The following ESS2 variants were observed in gnomAD, a reference collection of about 807,000 sequenced individuals.
ESS2 encodes ess-2 spliceosome associated protein, also known as splicing factor ESS-2 homolog.
Under a neutral mutation model 52.0 loss-of-function variants are expected in ESS2, and 31 were observed. The ratio of observed to expected loss-of-function variants is 0.60; its 90% confidence interval spans 0.45 to 0.81. ESS2 has a LOEUF of 0.81. Among genes scored for constraint, ESS2 ranks in the 30% least tolerant of loss-of-function variants. The pLI is 0.00. For missense variants in ESS2, 602 were observed against 637.2 expected (o/e 0.94, Z 0.59); for synonymous variants, 285 against 259.2 (o/e 1.10, Z -0.95).
rs566826089 is a variant in ESS2 at position 19,139,227 on chromosome 22, G to C, written c.754C>G (p.Leu252Val). 3 of 1,609,050 alleles carry C rather than the reference G, an allele frequency of 1.9e-6. No individual in the cohort carries two copies. The Admixed American group carries it at 5.0e-5, about 27-fold the overall frequency. ...RQVVHKNTRF[L>V]RDPFSQALSR... ...AGGGCTTGGCTGAAGGGGTCCCTAA[G>C]GAAGCGCGTGTTCTTATGTACCACC... Residue 252 changes from leucine (L) to valine (V), a missense_variant, in exon 6 of 10, where the codon CTT becomes GTT. Physicochemically the swap from Leu to Val is conservative, Grantham distance 32. Coordinates refer to ENST00000252137, the MANE Select transcript of ESS2 (RefSeq NM_022719.3).
At position 19,131,428 on chromosome 22, in the gene ESS2, A is replaced by G; in HGVS notation, c.*2768T>C. 1 of 1,612,126 alleles carries G rather than the reference A, an allele frequency of 6.2e-7. No individual in the cohort carries two copies. The highest frequency in any genetic ancestry group is 8.5e-7 in the Non-Finnish European group (1 of 1,178,768). On this transcript the variant is annotated 3_prime_UTR_variant, in exon 10 of 10. Coordinates refer to ENST00000252137, the MANE Select transcript of ESS2 (RefSeq NM_022719.3). The surrounding 1 kb of genome is among the most constrained non-coding windows in gnomAD (Gnocchi z 5.7). ...GACGATGCCACAGTCCTAAGGAAGA[A>G]GGGTTACATCGTAGGCATCAATCTT...
rs146554670 is a variant in ESS2 at position 19,144,055 on chromosome 22, A to T, written c.135+451T>A. The T allele has an allele frequency of 1.9e-3, 1,893 of 998,184 alleles. 1 individual carries two copies. Among genetic ancestry groups the T allele is most frequent in the Non-Finnish European group, 2.1e-3 (1,766 of 837,048 alleles). 61.8% of individuals were successfully genotyped at this position (998,184 alleles called of 1,614,324 possible). On this transcript the variant is annotated intron_variant, in intron 1 of 9. Transcript: ENST00000252137. Reference sequence around the variant, plus strand: ...ATTAAACAGGTCTAAAACCAAACTGACTTCCGCCAATCCCCGTTTCAGCTC... The same window carrying T: ...ATTAAACAGGTCTAAAACCAAACTGTCTTCCGCCAATCCCCGTTTCAGCTC...
chr22:19,132,505 G>A lies in ESS2; in HGVS notation c.*1691C>T. ...GACAATGGCCCCGTTGTGTGTGGTG[G>A]GGGTCGGGGTTGGGGGGCATGGTGC... On this transcript the variant is annotated 3_prime_UTR_variant, in exon 10 of 10. Coordinates refer to ENST00000252137, the MANE Select transcript of ESS2 (RefSeq NM_022719.3). This position sits in a 1 kb window ranked among gnomAD's most constrained non-coding sequence, Gnocchi z 4.2. 1 of 1,574,452 alleles carries A rather than the reference G, an allele frequency of 6.4e-7. No homozygotes were observed. Among genetic ancestry groups the A allele is most frequent in the South Asian group, 1.2e-5 (1 of 85,434 alleles).
intron 8 of ESS2, among the ~76,000 whole-genome samples, chr22:19,136,097 T>C (rs1433279500): frequency 6.7e-6 from 1 of 149,610 alleles, no homozygotes; most frequent in East Asian, 2.0e-4. Context: ...CCCAGCACTT[T>C]GGGAGGCTGA....
At chr22:19,138,174 TC>T in intron 7 of ESS2, 40 bp downstream of exon 7, 5 of 1,610,168 alleles carry the variant, frequency 3.1e-6, no homozygotes, top group Non-Finnish European at 3.4e-6. Context: ...CCCCAGGGAG[TC>T]CCAGCAGTAG....
intron 6 of ESS2, 177 bp from the exon 7 acceptor site, chr22:19,138,494 C>T: frequency 1.4e-6 from 1 of 729,284 alleles, no homozygotes; most frequent in Non-Finnish European, 2.5e-6. Context: ...CCCAACCCCC[C>T]AAAAGACCTT....
At position 19,142,748 on chromosome 22, in the gene ESS2, C is replaced by T; in HGVS notation, c.282G>A (p.Met94Ile). The T allele has an allele frequency of 1.2e-6, 2 of 1,614,008 alleles. No individual in the cohort carries two copies. The highest frequency in any genetic ancestry group is 1.7e-6 in the Non-Finnish European group (2 of 1,179,932). ...AIKFGSALGK[M>I]SREPPPPYVT... The stretch of plus-strand genomic sequence containing the variant: ...TACAGGGTGGCGGGGGCTCCCGGGA[C>T]ATCTTGCCCAAGGCAGAGCCAAACT... The change falls in exon 2 of 10, where the codon ATG becomes ATA. Residue 94 changes from methionine (M) to isoleucine (I), a missense_variant. By Grantham distance (10) the Met-to-Ile change is conservative. Transcript: ENST00000252137.
chr22:19,135,001 C>T (rs1268786576), intron 9 of ESS2, 59 bp downstream of exon 9: 21 of 1,533,236 alleles, frequency 1.4e-5, no homozygotes, highest in Middle Eastern at 2.1e-4. Context: ...GGGCAGGGGC[C>T]GAACAGGAGC....
At position 19,142,914 on chromosome 22, in the gene ESS2, T is replaced by A; in HGVS notation, c.136-20A>T. 7 of 1,605,888 alleles carry A rather than the reference T, an allele frequency of 4.4e-6. No individual in the cohort carries two copies. Among genetic ancestry groups the A allele is most frequent in the Non-Finnish European group, 5.1e-6 (6 of 1,176,106 alleles). The stretch of plus-strand genomic sequence containing the variant: ...GAGGCCCTGCAAGGAGAGATCAGAA[T>A]GAAAGTCAGAGGCCAGGCGCGGTGG... On this transcript the variant is annotated intron_variant, in intron 1 of 9. Coordinates refer to ENST00000252137, the MANE Select transcript of ESS2 (RefSeq NM_022719.3).
intron 3 of ESS2, among the ~76,000 whole-genome samples, chr22:19,140,661 T>C (rs1383441685): frequency 6.6e-6 from 1 of 152,176 alleles, no homozygotes; most frequent in East Asian, 1.9e-4. Flanking sequence ...GCCCTGGTGC[T>C]GCGTGTGGTG....
At chr22:19,139,829 T>G in intron 4 of ESS2, 26 bp downstream of exon 4, 2 of 1,613,920 alleles carry the variant, frequency 1.2e-6, no homozygotes, top group Non-Finnish European at 1.7e-6. Flanking sequence ...CCTACGCCTA[T>G]GTGACACCCC....
chr22:19,139,052 C>G, intron 6 of ESS2, 107 bp downstream of exon 6: 1 of 1,422,104 alleles, frequency 7.0e-7, no homozygotes, highest in Non-Finnish European at 9.3e-7. Context: ...CCAGATGGTT[C>G]CACTCACTGA....
intron 3 of ESS2, among the ~76,000 whole-genome samples, 191 bp from the exon 4 acceptor site, chr22:19,140,215 C>G (rs988210569): frequency 6.6e-6 from 1 of 152,186 alleles, no homozygotes; most frequent in Non-Finnish European, 1.5e-5. Flanking sequence ...CCCTGACTGC[C>G]CAGAGAGCCC....
At chr22:19,141,787 A>G (rs1403603930) in intron 3 of ESS2, among the ~76,000 whole-genome samples, 5 of 152,186 alleles carry the variant, frequency 3.3e-5, no homozygotes, top group African/African-American at 1.2e-4. Context: ...CAGGAGTTCA[A>G]GACTAGCCGG....
intron 8 of ESS2, 65 bp downstream of exon 8, chr22:19,137,258 A>C: frequency 8.3e-7 from 1 of 1,201,434 alleles, no homozygotes; most frequent in Non-Finnish European, 1.2e-6. Flanking sequence ...CCTGAGCCAC[A>C]GGCACTCAGG....
rs980339348 is a variant in ESS2, at chr22:19,144,388, C to T, written c.135+118G>A. ...TACTTGACTCGTGGGACCGTCCACACCCGGCTCCTCCACTTCCACGAGGAG... is the reference window on the plus strand; with the variant it reads ...TACTTGACTCGTGGGACCGTCCACATCCGGCTCCTCCACTTCCACGAGGAG... On this transcript the variant is annotated intron_variant, in intron 1 of 9. Coordinates refer to ENST00000252137, the MANE Select transcript of ESS2 (RefSeq NM_022719.3). 14 of 1,556,850 alleles carry T rather than the reference C, an allele frequency of 9.0e-6. No homozygotes were observed. In the African/African-American group the frequency reaches 1.9e-4, roughly 21 times the overall value.
chr22:19,142,989 G>A (rs2083717566), intron 1 of ESS2, 95 bp from the exon 2 acceptor site: 1 of 1,248,152 alleles, frequency 8.0e-7, no homozygotes, highest in African/African-American at 1.5e-5. Context: ...GGTGGATCAT[G>A]AGGTCAGAAG....
rs147844126 is a variant in ESS2, at chr22:19,137,428, C to G, written c.930G>C (p.Val310=). The change falls in exon 8 of 10, where the codon GTG becomes GTC. Residue 310 remains valine (V), a synonymous_variant. Coordinates refer to ENST00000252137, the MANE Select transcript of ESS2 (RefSeq NM_022719.3). ...CCCAGGTCATCATCGGGGACTCGTT[C>G]ACACCTGCAGACAAAGAGCCCAAAA... ...FVATPSPAPG[V]NESPMMTWGE... The G allele has an allele frequency of 1.9e-6, 3 of 1,611,978 alleles. No individual in the cohort carries two copies. In the African/African-American group the frequency reaches 4.0e-5, roughly 22 times the overall value.
chr22:19,131,499 C>T lies in ESS2; in HGVS notation c.*2697G>A. 6.2e-7 allele frequency: 1 copy of T among 1,614,172 alleles called. No individual in the cohort carries two copies. Among genetic ancestry groups the T allele is most frequent in the Non-Finnish European group, 8.5e-7 (1 of 1,180,028 alleles). On this transcript the variant is annotated 3_prime_UTR_variant, in exon 10 of 10. Transcript: ENST00000252137. This position sits in a 1 kb window ranked among gnomAD's most constrained non-coding sequence, Gnocchi z 5.7. ...AGTCAAATCTGCCTACTCTGAGCGCCTCAAGTTCAATGTGGCTGTCAAGAT... is the reference window on the plus strand; with the variant it reads ...AGTCAAATCTGCCTACTCTGAGCGCTTCAAGTTCAATGTGGCTGTCAAGAT...
Sources: allele counts gnomAD v4.1 joint callset (sites outside exome capture counted in the v4.1 genomes callset), GRCh38; gene constraint gnomAD v4.1.1; non-coding constraint Gnocchi (gnomAD v3.1); transcripts MANE v1.5; gene names NCBI Gene and HGNC (gene_info 2026-07-23, HGNC 2026-07-21).